The following MYO7A variants were observed in gnomAD, a reference collection of about 807,000 sequenced individuals.
MYO7A encodes unconventional myosin-VIIa.
Under a neutral mutation model 263.8 loss-of-function variants are expected in MYO7A, and 210 were observed. The ratio of observed to expected loss-of-function variants is 0.80; its 90% CI spans 0.71 to 0.89. The LOEUF (loss-of-function observed/expected upper bound fraction) is 0.89, where lower values mean the gene tolerates loss of function less well. MYO7A is among the 40% of genes least tolerant of loss of function. The probability of loss-of-function intolerance (pLI) is 0.00; values close to 1 mark genes in which losing one functional copy is unlikely to be tolerated. For synonymous variants in MYO7A, 1,239 were observed against 1,197.3 expected, an observed-to-expected ratio of 1.03 and a Z score of -0.72; for missense variants, 2,820 against 2,968.3, an observed-to-expected ratio of 0.95 and a Z score of 1.16.
intron 27 of MYO7A, among the ~76,000 whole-genome samples, chr11:77,186,075 A>G (rs1955627468): frequency 6.6e-6 from 1 of 151,834 alleles, no homozygotes; most frequent in Admixed American, 6.6e-5. Flanking sequence ...GGTGCCCACC[A>G]CCACATCCAG....
At chr11:77,200,506 C>T (rs577826312) in intron 35 of MYO7A, among the ~76,000 whole-genome samples, 39 of 152,292 alleles carry the variant, frequency 2.6e-4, no homozygotes, top group African/African-American at 9.1e-4. Context: ...ATGAGGGACC[C>T]ACTCCCATGA....
chr11:77,146,354 A>G (rs1951565443), intron 3 of MYO7A, among the ~76,000 whole-genome samples: 1 of 152,172 alleles, frequency 6.6e-6, no homozygotes, highest in South Asian at 2.1e-4. Context: ...TGACAGGGTC[A>G]GGAGGGTGCC....
At position 77,172,739 on chromosome 11, in the gene MYO7A, TC is replaced by T. The variant is rs1954226064; in HGVS notation, c.1798-3del. ...CAGCCCCTCCCATCGCTGCCGTCCGTCCCCCCAGGGCGCCGAGACCAGGAAG... is the reference window on the plus strand; with the variant it reads ...CAGCCCCTCCCATCGCTGCCGTCCGTCCCCCAGGGCGCCGAGACCAGGAAG... On this transcript the variant is annotated splice_region_variant and splice_polypyrimidine_tract_variant and intron_variant, in intron 15 of 48. Transcript: ENST00000409709. The T allele has an allele frequency of 6.4e-6, 10 of 1,552,262 alleles. No individual in the cohort carries two copies. The highest frequency in any genetic ancestry group is 2.4e-5 in the East Asian group (1 of 41,110).
intron 14 of MYO7A, among the ~76,000 whole-genome samples, chr11:77,164,091 T>C (rs1189720295): frequency 6.6e-6 from 1 of 152,188 alleles, no homozygotes; most frequent in Non-Finnish European, 1.5e-5. Context: ...AGACCAAGCA[T>C]GAGCTTTGAA....
In MYO7A at chr11:77,174,665, C is replaced by T. The variant is rs1306193854; in HGVS notation, c.1936-91C>T. Reference sequence around the variant, plus strand: ...CCCATGCCGTGTGGACTTGGCCTTTCTGAGCCTTTGTCTGGGTTGGTCAAG... The same window carrying T: ...CCCATGCCGTGTGGACTTGGCCTTTTTGAGCCTTTGTCTGGGTTGGTCAAG... On this transcript the variant is annotated intron_variant, in intron 16 of 48. Coordinates refer to ENST00000409709, the MANE Select transcript of MYO7A (RefSeq NM_000260.4). 4.3e-6 allele frequency: 6 copies of T among 1,408,738 alleles called. No individual in the cohort carries two copies. In the South Asian group the frequency reaches 6.7e-5, roughly 16 times the overall value. The allele number at this position is 1,408,738 out of a possible 1,614,324, so 87.3% of individuals were successfully genotyped here.
intron 42 of MYO7A, among the ~76,000 whole-genome samples, chr11:77,208,120 G>A (rs2135755614): frequency 6.6e-6 from 1 of 152,328 alleles, no homozygotes; most frequent in African/African-American, 2.4e-5. Flanking sequence ...AGGAGGAGCT[G>A]GACATGGATG....
In MYO7A at chr11:77,142,719, T is replaced by C. The variant is rs878853237; in HGVS notation, c.29T>C (p.Val10Ala). The change falls in exon 3 of 49, where the codon GTG becomes GCG. Residue 10 changes from valine to alanine, a missense_variant. By Grantham distance (64) the Val-to-Ala change is moderately conservative. Coordinates refer to ENST00000409709, the MANE Select transcript of MYO7A (RefSeq NM_000260.4). MVILQQGDHVWMDLRLGQEF... is the reference protein window; with the variant it reads MVILQQGDHAWMDLRLGQEF... ...CTCTCTCGCCCATAGGGGGACCATG[T>C]GTGGATGGACCTGAGATTGGGGCAG... 5.0e-6 allele frequency: 8 copies of C among 1,610,296 alleles called. No individual in the cohort carries two copies. The highest frequency in any genetic ancestry group is 8.5e-7 in the Non-Finnish European group (1 of 1,178,500).
At position 77,175,496 on chromosome 11, in the gene MYO7A, G is replaced by GC. The variant is rs532021591; in HGVS notation, c.2187+32_2187+33insC. 5.1e-4 allele frequency: 812 copies of GC among 1,593,212 alleles called. 6 individuals are homozygous for GC. In the African/African-American group the frequency reaches 1.0e-2, roughly 20 times the overall value. ...ACAGATGCCTTCCCTGGGCTGCCCT[G>GC]GGGGGGCTGTAAATTCCCATGATGT... On this transcript the variant is annotated intron_variant, in intron 18 of 48. Coordinates refer to ENST00000409709, the MANE Select transcript of MYO7A (RefSeq NM_000260.4).
At chr11:77,128,813 C>G (rs890348718) in intron 1 of MYO7A, among the ~76,000 whole-genome samples, 2 of 152,138 alleles carry the variant, frequency 1.3e-5, no homozygotes, top group East Asian at 3.9e-4. Context: ...AGTCCGTTCT[C>G]TCTGTCTCCT....
intron 11 of MYO7A, 111 bp downstream of exon 11, chr11:77,160,393 C>A (rs1952885028): frequency 2.1e-6 from 3 of 1,413,340 alleles, no homozygotes; most frequent in East Asian, 2.5e-5. Flanking sequence ...GGGTCGCCAC[C>A]CCTGCCTGCC....
rs147058174 is a variant in MYO7A at position 77,198,737 on chromosome 11, T to C, written c.4568+116T>C. ...AAGTGGCCTGCCTGGTTGCACGTGA[T>C]TGGGCAGTTTGTGCCGCACTGTGCA... On this transcript the variant is annotated intron_variant, in intron 34 of 48. Transcript: ENST00000409709. 1.4e-4 allele frequency: 214 copies of C among 1,479,776 alleles called. 1 individual carries two copies. In the African/African-American group the frequency reaches 2.6e-3, roughly 18 times the overall value. The allele number at this position is 1,479,776 out of a possible 1,614,324, so 91.7% of individuals were successfully genotyped here.
chr11:77,168,901 C>T (rs555972991), intron 15 of MYO7A, among the ~76,000 whole-genome samples: 1 of 152,304 alleles, frequency 6.6e-6, no homozygotes, highest in East Asian at 1.9e-4. Flanking sequence ...AGGCCTGCCT[C>T]AGGGACTTGT....
intron 13 of MYO7A, 144 bp downstream of exon 13, chr11:77,162,474 G>C: frequency 1.2e-6 from 1 of 816,404 alleles, no homozygotes; most frequent in Non-Finnish European, 2.0e-6. Flanking sequence ...TCAAGTATAG[G>C]CATCTGCCAT....
chr11:77,169,088 T>G (rs932582133), intron 15 of MYO7A, among the ~76,000 whole-genome samples: 4 of 152,188 alleles, frequency 2.6e-5, no homozygotes, highest in Non-Finnish European at 5.9e-5. Context: ...AAGATGAAAA[T>G]CAGCTTGGTT....
At chr11:77,135,116 G>T (rs1950873801) in intron 2 of MYO7A, among the ~76,000 whole-genome samples, 1 of 151,952 alleles carries the variant, frequency 6.6e-6, no homozygotes, top group Non-Finnish European at 1.5e-5. Context: ...TAGTTCAGTG[G>T]CATTAAATAC....
intron 15 of MYO7A, among the ~76,000 whole-genome samples, chr11:77,171,092 G>A (rs1954042866): frequency 6.6e-6 from 1 of 152,232 alleles, no homozygotes; most frequent in Admixed American, 6.5e-5. Flanking sequence ...TCCTCATGGG[G>A]CTCCCAGCCC....
Position 77,182,328 on chromosome 11 carries a change from G to A in MYO7A, c.3109-96G>A, listed in dbSNP as rs139992402. ...AGCCTGAGGGCTGACCATGCGGGAG[G>A]GGGTGTCTCCAGCCCACTCCCCAAA... On this transcript the variant is annotated intron_variant, in intron 24 of 48. Coordinates refer to ENST00000409709, the MANE Select transcript of MYO7A (RefSeq NM_000260.4). 4.2e-5 allele frequency: 61 copies of A among 1,453,298 alleles called. No homozygotes were observed. In the East Asian group the frequency reaches 1.4e-3, roughly 33 times the overall value. 90.0% of individuals were successfully genotyped at this position (1,453,298 alleles called of 1,614,324 possible). A position where few individuals can be genotyped will look rare whatever the true frequency, so the allele number is the denominator to read the frequency against.
intron 8 of MYO7A, among the ~76,000 whole-genome samples, chr11:77,157,619 C>G (rs1240837794): frequency 6.6e-6 from 1 of 152,112 alleles, no homozygotes; most frequent in Non-Finnish European, 1.5e-5. Context: ...TTGGGAAGCA[C>G]CACTCCTTTA....
rs759272365 is a variant in MYO7A at position 77,201,588 on chromosome 11, G to A, written c.4993G>A (p.Asp1665Asn). 14 of 1,613,790 alleles carry A rather than the reference G, an allele frequency of 8.7e-6. No homozygotes were observed. The highest frequency in any genetic ancestry group is 3.3e-5 in the South Asian group (3 of 91,080). Residue 1665 changes from aspartate (D) to asparagine (N), a missense_variant, in exon 36 of 49, where the codon GAC becomes AAC. Physicochemically the swap from Asp to Asn is conservative, Grantham distance 23. Coordinates refer to ENST00000409709, the MANE Select transcript of MYO7A (RefSeq NM_000260.4). ...RTKQRGDFPT[D>N]SVYVMPTVTM... ...CAAGCAGCGTGGGGACTTCCCCACC[G>A]ACAGTGTGTACGTCATGCCCACTGT...
Sources: gnomAD v4.1 joint callset for allele counts (sites outside exome capture counted in the v4.1 genomes callset) on GRCh38, gnomAD v4.1.1 for gene constraint, MANE v1.5 for transcripts, NCBI Gene and HGNC (gene_info 2026-07-23, HGNC 2026-07-21) for gene names.